CERCAM: variants seen among roughly 807,000 people sequenced by gnomAD.
The protein encoded by CERCAM is inactive glycosyltransferase 25 family member 3.
CERCAM carries 59 observed loss-of-function variants against 66.0 expected under a neutral mutation model. That is an observed-to-expected ratio of 0.89 (90% CI 0.73 to 1.11). The LOEUF is 1.11. Among genes scored for constraint, CERCAM ranks in the 50% most tolerant of loss-of-function variants. CERCAM has a pLI of 0.00. For synonymous variants in CERCAM, 318 were observed against 343.6 expected (o/e 0.93, Z 0.83); for missense variants, 840 against 828.3 (o/e 1.01, Z -0.17).
Position 128,428,323 on chromosome 9 carries a change from A to T in CERCAM, c.788A>T (p.Asn263Ile), listed in dbSNP as rs761876160. ...QAAGVSVHVC[N>I]EHRYGYMNVP... ...GCAGGGGTCTCCGTCCACGTGTGCA[A>T]TGAGCACCGTTATGGGTACATGAAT... is the stretch of plus-strand genomic sequence containing the variant. The change falls in exon 6 of 13, where the codon AAT (asparagine) becomes ATT (isoleucine). Residue 263 changes from asparagine to isoleucine, a missense_variant. Coordinates refer to ENST00000372838, the MANE Select transcript of CERCAM (RefSeq NM_016174.5). 6.2e-7 allele frequency: 1 copy of T among 1,614,026 alleles called. No homozygotes were observed.
chr9:128,434,335 G>T lies in CERCAM; in HGVS notation c.1332-75G>T. 1 of 1,604,162 alleles carries T rather than the reference G, an allele frequency of 6.2e-7. No homozygotes were observed. Among genetic ancestry groups the T allele is most frequent in the Non-Finnish European group, 8.5e-7 (1 of 1,173,530 alleles). ...GCCCATCCCCTGAGAGCCTGGCCCTGTAGGAGCGGGTGTGGGAGGGTCCCA... is the reference window on the plus strand; with the variant it reads ...GCCCATCCCCTGAGAGCCTGGCCCTTTAGGAGCGGGTGTGGGAGGGTCCCA... On this transcript the variant is annotated intron_variant, in intron 10 of 12. Transcript: ENST00000372838. The surrounding 1 kb of genome is among the most constrained non-coding windows in gnomAD (Gnocchi z 4.5).
chr9:128,436,293 T>A (rs1193691884), intron 12 of CERCAM, among the ~76,000 whole-genome samples: 1 of 152,164 alleles, frequency 6.6e-6, no homozygotes, highest in Non-Finnish European at 1.5e-5. Context: ...CAGGCTGGAG[T>A]GCAGTGGCAT....
In CERCAM at chr9:128,433,278, C is replaced by CA. The variant is rs758064235; in HGVS notation, c.1204-801dup. Among the ~76,000 whole-genome samples the CA allele has an allele frequency of 7.8e-3, 547 of 70,194 alleles. 4 individuals are homozygous for CA. Among genetic ancestry groups the CA allele is most frequent in the Middle Eastern group, 0.017 (2 of 116 alleles). The allele number at this position is 70,194 out of a possible 152,430, so 46.0% of individuals were successfully genotyped here. On this transcript the variant is annotated intron_variant, in intron 9 of 12. Coordinates refer to ENST00000372838, the MANE Select transcript of CERCAM (RefSeq NM_016174.5). ...CGGGCGACAGAGCAAAACTCCGTCT[C>CA]AAAAAAAAAAAAAAAAAAAAAAATT...
Position 128,434,203 on chromosome 9 carries a change from G to A in CERCAM, c.1305G>A (p.Glu435=). The A allele has an allele frequency of 6.2e-7, 1 of 1,614,132 alleles. No homozygotes were observed. Among genetic ancestry groups the A allele is most frequent in the Non-Finnish European group, 8.5e-7 (1 of 1,180,006 alleles). The change falls in exon 10 of 13, where the codon GAG becomes GAA. Residue 435 remains glutamate, a synonymous_variant. Transcript: ENST00000372838. This position sits in a 1 kb window ranked among gnomAD's most constrained non-coding sequence, Gnocchi z 4.5. ...TGGAGCGGCTGATGGAGGATGTGGA[G>A]GCAGAGAAACTGTCTTGGGACCTGA... is the stretch of plus-strand genomic sequence containing the variant. ...GRLERLMEDV[E]AEKLSWDLIY... is the part of the protein sequence containing the mutation.
chr9:128,422,628 T>C, intron 1 of CERCAM: 1 of 519,180 alleles, frequency 1.9e-6, no homozygotes, highest in Non-Finnish European at 3.5e-6. Context: ...CAGCTTAAGT[T>C]ATAGAGGGAG....
At chr9:128,435,585 C>T (rs1359744058) in intron 11 of CERCAM, 68 bp from the exon 12 acceptor site, 38 of 1,507,972 alleles carry the variant, frequency 2.5e-5, no homozygotes, top group Admixed American at 6.3e-5. Context: ...TGCCTGGCTC[C>T]GGGCAGGCAT....
Position 128,429,051 on chromosome 9 carries a change from TGG to T in CERCAM, c.1070+22_1070+23del. ...GTGGATGGCTGGTGAGCCTGCCTGGTGGGGGGGGCCCTGTGCGCTTGGGGAAG... is the reference window on the plus strand; with the variant it reads ...GTGGATGGCTGGTGAGCCTGCCTGGTGGGGGGCCCTGTGCGCTTGGGGAAG... On this transcript the variant is annotated intron_variant, in intron 8 of 12. Coordinates refer to ENST00000372838, the MANE Select transcript of CERCAM (RefSeq NM_016174.5). 1 of 1,566,080 alleles carries T rather than the reference TGG, an allele frequency of 6.4e-7. No individual in the cohort carries two copies.
At chr9:128,430,411 A>T (rs563340204) in intron 8 of CERCAM, among the ~76,000 whole-genome samples, 161 of 147,776 alleles carry the variant, frequency 1.1e-3, no homozygotes, top group African/African-American at 3.6e-3. Flanking sequence ...CTCAAAAAAA[A>T]TTTTTTTTTT....
At position 128,428,453 on chromosome 9, in the gene CERCAM, C is replaced by T. The variant is rs1474056150; in HGVS notation, c.886+32C>T. ...GCTGGGGAACTGTTCCACCCACCTG[C>T]TGCCGGGGCTCCCTGCCTCCCCACG... On this transcript the variant is annotated intron_variant, in intron 6 of 12. Transcript: ENST00000372838. 3.7e-6 allele frequency: 6 copies of T among 1,611,406 alleles called. No homozygotes were observed. The East Asian group carries it at 8.9e-5, about 24-fold the overall frequency.
chr9:128,434,378 G>C lies in CERCAM; in HGVS notation c.1332-32G>C. 1.2e-6 allele frequency: 2 copies of C among 1,611,134 alleles called. No individual in the cohort carries two copies. The highest frequency in any genetic ancestry group is 1.7e-6 in the Non-Finnish European group (2 of 1,177,826). On this transcript the variant is annotated intron_variant, in intron 10 of 12. Coordinates refer to ENST00000372838, the MANE Select transcript of CERCAM (RefSeq NM_016174.5). This position sits in a 1 kb window ranked among gnomAD's most constrained non-coding sequence, Gnocchi z 4.5. ...GGGTCCCATGACACCCAGGACCTAA[G>C]TGACTCCTGGGCCCCTTGGTGTCAC...
Position 128,435,871 on chromosome 9 carries a change from A to C in CERCAM, c.1754A>C (p.His585Pro). The C allele has an allele frequency of 2.5e-6, 4 of 1,607,656 alleles. No homozygotes were observed. The highest frequency in any genetic ancestry group is 3.4e-6 in the Non-Finnish European group (4 of 1,179,028). The part of the protein sequence containing the change: ...PRLDLTGSSG[H>P]SLQPQPRDEL ...CTGGACCTGACTGGCAGCAGCGGGCACAGCCTCCAACCCCAGCCCCGAGAT... is the reference window on the plus strand; with the variant it reads ...CTGGACCTGACTGGCAGCAGCGGGCCCAGCCTCCAACCCCAGCCCCGAGAT... Residue 585 changes from histidine (H) to proline (P), a missense_variant, in exon 12 of 13, where the codon CAC becomes CCC. Transcript: ENST00000372838.
intron 3 of CERCAM, 110 bp downstream of exon 3, chr9:128,423,373 T>C (rs1252343788): frequency 5.6e-6 from 5 of 889,172 alleles, no homozygotes; most frequent in Non-Finnish European, 8.8e-6. Context: ...TCCTAGCACT[T>C]TGGGAGGCCA....
upstream of CERCAM, chr9:128,419,306 G>A (rs1434357544): frequency 1.3e-5 from 2 of 152,302 alleles, no homozygotes; most frequent in Non-Finnish European, 1.5e-5. Context: ...TGGACCTTCA[G>A]CCCTCCCCTT....
intron 5 of CERCAM, among the ~76,000 whole-genome samples, chr9:128,425,049 T>TTTTTTG (rs879762902): frequency 1.4e-5 from 2 of 141,574 alleles, no homozygotes; most frequent in Admixed American, 1.4e-4. Context: ...TGAAAGGTTT[T>TTTTTTG]TTGTTGTTGT....
chr9:128,428,878 C>T (rs1197440893), intron 7 of CERCAM, 45 bp downstream of exon 7: 4 of 1,600,658 alleles, frequency 2.5e-6, no homozygotes, highest in Non-Finnish European at 3.4e-6. Flanking sequence ...GGTGGATGGG[C>T]CCTCCTCTTC....
At position 128,428,954 on chromosome 9, in the gene CERCAM, A is replaced by G; in HGVS notation, c.988A>G (p.Arg330Gly). The G allele has an allele frequency of 6.2e-7, 1 of 1,610,566 alleles. No homozygotes were observed. Among genetic ancestry groups the G allele is most frequent in the Non-Finnish European group, 8.5e-7 (1 of 1,178,636 alleles). ...GGTCTTTGTCATCAGCCTGGCTCGCAGGCCTGACCGTCGGGAACGCATGCT... is the reference window on the plus strand; with the variant it reads ...GGTCTTTGTCATCAGCCTGGCTCGCGGGCCTGACCGTCGGGAACGCATGCT... The part of the protein sequence containing the change: ...DEVFVISLAR[R>G]PDRRERMLAS... The change falls in exon 8 of 13, where the codon AGG (arginine) becomes GGG (glycine). Residue 330 changes from arginine to glycine, a missense_variant. Coordinates refer to ENST00000372838, the MANE Select transcript of CERCAM (RefSeq NM_016174.5).
At chr9:128,421,139 C>A (rs965434089) in intron 1 of CERCAM, 65 bp downstream of exon 1, 3 of 1,260,560 alleles carry the variant, frequency 2.4e-6, no homozygotes, top group Non-Finnish European at 2.0e-6. Context: ...TGGCCCCCGC[C>A]CCCGGCGGCC....
chr9:128,423,131 C>T lies in CERCAM; in HGVS notation c.309-15C>T. 6.2e-7 allele frequency: 1 copy of T among 1,613,418 alleles called. No individual in the cohort carries two copies. The highest frequency in any genetic ancestry group is 8.5e-7 in the Non-Finnish European group (1 of 1,179,458). ...GCATGTACCCCATGGGAACATCTCA[C>T]CTCTATCCCCTCAGGTTCTACCCAG... On this transcript the variant is annotated splice_polypyrimidine_tract_variant and intron_variant, in intron 2 of 12. Transcript: ENST00000372838.
chr9:128,421,497 G>T, intron 1 of CERCAM: 1 of 990,884 alleles, frequency 1.0e-6, no homozygotes, highest in Non-Finnish European at 1.2e-6. Context: ...CCACGCTGGA[G>T]GCTTCCGGGC....
Sources: allele counts gnomAD v4.1 joint callset (sites outside exome capture counted in the v4.1 genomes callset), GRCh38; gene constraint gnomAD v4.1.1; non-coding constraint Gnocchi (gnomAD v3.1); transcripts MANE v1.5; gene names NCBI Gene and HGNC (gene_info 2026-07-23, HGNC 2026-07-21).